EVI5L: variants seen among roughly 807,000 people sequenced by gnomAD.
EVI5L encodes the protein EVI5-like protein.
EVI5L carries 30 observed loss-of-function variants against 106.1 expected under a neutral mutation model. The observed-to-expected ratio is 0.28, with a 90% CI of 0.21 to 0.38. EVI5L has a LOEUF of 0.38. Ranked by LOEUF, EVI5L falls within the 10% of genes least tolerant of loss-of-function variation. The pLI, the probability that EVI5L is intolerant of heterozygous loss-of-function variation, is 1.00. For synonymous variants in EVI5L, 489 were observed against 483.3 expected (o/e 1.01, Z -0.15); for missense variants, 809 against 1,098.0 (o/e 0.74, Z 3.72).
chr19:7,851,793 G>A (rs748486898), intron 8 of EVI5L, 23 bp downstream of exon 8: 166 of 1,483,422 alleles, frequency 1.1e-4, no homozygotes, highest in South Asian at 1.9e-4. Context: ...GGCCAGGGCC[G>A]GTGGGGCTGC....
At chr19:7,862,065 T>C in intron 15 of EVI5L, 47 bp downstream of exon 15, 1 of 1,544,816 alleles carries the variant, frequency 6.5e-7, no homozygotes. Context: ...CCTAGGGCCA[T>C]CCCCTCGGGG....
Position 7,856,199 on chromosome 19 carries a change from C to A in EVI5L, c.1200+131C>A. ...TGGAGGACTAAGCAGCCCTACCTTC[C>A]TGCCCCAGGACCCGACCTGAACCCG... On this transcript the variant is annotated intron_variant, in intron 11 of 19. Coordinates refer to ENST00000538904, the MANE Select transcript of EVI5L (RefSeq NM_001159944.3). The surrounding 1 kb of genome is among the most constrained non-coding windows in gnomAD (Gnocchi z 6.6). 1 of 924,424 alleles carries A rather than the reference C, an allele frequency of 1.1e-6. No homozygotes were observed. The highest frequency in any genetic ancestry group is 1.4e-6 in the Non-Finnish European group (1 of 693,312). The allele number at this position is 924,424 out of a possible 1,614,324, so 57.3% of individuals were successfully genotyped here.
chr19:7,846,759 T>A, intron 2 of EVI5L, 80 bp downstream of exon 2: 2 of 1,531,376 alleles, frequency 1.3e-6, no homozygotes, highest in Non-Finnish European at 1.8e-6. Flanking sequence ...TGCCCTCACA[T>A]TCAGAGCCAG....
Position 7,843,581 on chromosome 19 carries a change from G to A in EVI5L, c.-47-2915G>A, listed in dbSNP as rs540467133. Among the ~76,000 whole-genome samples the A allele has an allele frequency of 7.6e-5, 10 of 131,524 alleles. No individual in the cohort carries two copies. In the East Asian group the frequency reaches 2.1e-3, roughly 27 times the overall value. 86.3% of individuals were successfully genotyped at this position (131,524 alleles called of 152,430 possible). ...GTATAGGTATGTGAGTGTGAGAATA[G>A]GCATGGGTGTGTGTCAAGTGTGTGT... On this transcript the variant is annotated intron_variant, in intron 1 of 19. Coordinates refer to ENST00000538904, the MANE Select transcript of EVI5L (RefSeq NM_001159944.3).
chr19:7,855,424 G>A (rs1453419257), intron 10 of EVI5L, among the ~76,000 whole-genome samples: 1 of 152,208 alleles, frequency 6.6e-6, no homozygotes, highest in Non-Finnish European at 1.5e-5. Context: ...AAATCCATCA[G>A]CACAGAATGG....
chr19:7,852,959 C>T (rs1389270933), intron 8 of EVI5L, 127 bp from the exon 9 acceptor site: 2 of 805,040 alleles, frequency 2.5e-6, no homozygotes, highest in African/African-American at 1.7e-5. Flanking sequence ...GAGGACACGG[C>T]GTTGAGGACA....
At chr19:7,842,540 T>C (rs1978673809) in intron 1 of EVI5L, among the ~76,000 whole-genome samples, 1 of 148,924 alleles carries the variant, frequency 6.7e-6, no homozygotes, top group Non-Finnish European at 1.5e-5. Context: ...AATTGGGGTG[T>C]ATCAAGTGTG....
At position 7,863,800 on chromosome 19, in the gene EVI5L, C is replaced by T. The variant is rs942390395; in HGVS notation, c.*98C>T. ...CCCACCTGCCGCACTTGACAAACTA[C>T]GCGCCCTCTGTGGCTCGGCCACCCC... On this transcript the variant is annotated 3_prime_UTR_variant, in exon 20 of 20. Transcript: ENST00000538904. This position sits in a 1 kb window ranked among gnomAD's most constrained non-coding sequence, Gnocchi z 7.7. 5 of 1,396,426 alleles carry T rather than the reference C, an allele frequency of 3.6e-6. No individual in the cohort carries two copies. The African/African-American group carries it at 6.0e-5, about 17-fold the overall frequency. The allele number at this position is 1,396,426 out of a possible 1,614,324, so 86.5% of individuals were successfully genotyped here.
At chr19:7,843,433 A>G (rs111211960) in intron 1 of EVI5L, among the ~76,000 whole-genome samples, 1 of 107,044 alleles carries the variant, frequency 9.3e-6, no homozygotes, top group African/African-American at 4.0e-5. Context: ...GTGTGTCGAG[A>G]GTGTGTGTGT....
chr19:7,841,733 G>A (rs1408191072), intron 1 of EVI5L, among the ~76,000 whole-genome samples: 2 of 152,242 alleles, frequency 1.3e-5, no homozygotes, highest in African/African-American at 4.8e-5. Context: ...AGGCCAGTGG[G>A]TGGGTTGCCA....
chr19:7,834,446 T>C (rs955728295), intron 1 of EVI5L, among the ~76,000 whole-genome samples: 1 of 152,220 alleles, frequency 6.6e-6, no homozygotes, highest in African/African-American at 2.4e-5. Context: ...AATTTTTTTT[T>C]AGGTCAGAAA....
intron 2 of EVI5L, among the ~76,000 whole-genome samples, 180 bp downstream of exon 2, chr19:7,846,859 G>A (rs888817256): frequency 5.3e-5 from 8 of 152,208 alleles, no homozygotes; most frequent in African/African-American, 1.9e-4. Flanking sequence ...CTGAATATAT[G>A]TGTCCCCACC....
At position 7,862,976 on chromosome 19, in the gene EVI5L, A is replaced by G; in HGVS notation, c.1952A>G (p.Lys651Arg). Residue 651 changes from lysine (K) to arginine (R), a missense_variant, in exon 18 of 20, where the codon AAG (lysine) becomes AGG (arginine). By Grantham distance (26) the Lys-to-Arg change is conservative. Transcript: ENST00000538904. ...RKQAEAECKS[K>R]EEVMAVRLRE... is the part of the protein sequence containing the mutation. Reference sequence around the variant, plus strand: ...CCCCCAATCCCCCGACCCCAGAGCAAGGAGGAGGTGATGGCTGTGCGACTG... The same window carrying G: ...CCCCCAATCCCCCGACCCCAGAGCAGGGAGGAGGTGATGGCTGTGCGACTG... 1 of 1,562,276 alleles carries G rather than the reference A, an allele frequency of 6.4e-7. No homozygotes were observed. Among genetic ancestry groups the G allele is most frequent in the Non-Finnish European group, 8.6e-7 (1 of 1,163,398 alleles).
intron 6 of EVI5L, 79 bp from the exon 7 acceptor site, chr19:7,851,355 G>A (rs1169394176): frequency 1.3e-6 from 2 of 1,521,858 alleles, no homozygotes; most frequent in East Asian, 2.3e-5. Context: ...CTCCCTGGAG[G>A]CGGGGACACT....
Position 7,857,505 on chromosome 19 carries a change from C to T in EVI5L, c.1233+381C>T, listed in dbSNP as rs374790828. 5 of 378,402 alleles carry T rather than the reference C, an allele frequency of 1.3e-5. No individual in the cohort carries two copies. The highest frequency in any genetic ancestry group is 4.1e-5 in the Admixed American group (1 of 24,574). 23.4% of individuals were successfully genotyped at this position (378,402 alleles called of 1,614,324 possible). On this transcript the variant is annotated intron_variant, in intron 12 of 19. Transcript: ENST00000538904. The surrounding 1 kb of genome is among the most constrained non-coding windows in gnomAD (Gnocchi z 4.5). ...CACACAACACATGCACACACACACA[C>T]GCACACACACGCCCGGCCCTCACGC... is the stretch of plus-strand genomic sequence containing the variant.
chr19:7,846,428 C>T (rs1262948128), intron 1 of EVI5L, 68 bp from the exon 2 acceptor site: 6 of 1,401,772 alleles, frequency 4.3e-6, no homozygotes, highest in Middle Eastern at 2.5e-4. Context: ...GGAAATGTCC[C>T]GAGGGTGGGC....
intron 1 of EVI5L, among the ~76,000 whole-genome samples, chr19:7,846,002 T>G (rs918080121): frequency 1.3e-5 from 2 of 152,104 alleles, no homozygotes; most frequent in Admixed American, 6.5e-5. Context: ...GCAGCCCACT[T>G]TGGTTGATGA....
At chr19:7,844,002 A>G (rs1035688103) in intron 1 of EVI5L, among the ~76,000 whole-genome samples, 6 of 152,028 alleles carry the variant, frequency 3.9e-5, no homozygotes, top group Non-Finnish European at 8.8e-5. Context: ...CGTGATAAAT[A>G]GCTGAACAAC....
At chr19:7,844,906 G>T (rs187050036) in intron 1 of EVI5L, among the ~76,000 whole-genome samples, 1 of 152,322 alleles carries the variant, frequency 6.6e-6, no homozygotes, top group East Asian at 1.9e-4. Context: ...ATTCCAGGAG[G>T]ACTGGGGTGG....
Sources: gnomAD v4.1 joint callset for allele counts (sites outside exome capture counted in the v4.1 genomes callset) on GRCh38, gnomAD v4.1.1 for gene constraint, Gnocchi (gnomAD v3.1) non-coding constraint, MANE v1.5 for transcripts, NCBI Gene and HGNC (gene_info 2026-07-23, HGNC 2026-07-21) for gene names.